Variants in ATXN2 observed in about 807,000 individuals in gnomAD.
ATXN2 encodes ataxin 2.
A neutral mutation model predicts 138.6 loss-of-function variants in ATXN2; 37 were observed. The ratio of observed to expected loss-of-function variants is 0.27; its 90% CI spans 0.21 to 0.35. The LOEUF (loss-of-function observed/expected upper bound fraction) is 0.35. ATXN2 is among the 10% of genes least tolerant of loss of function. The pLI is 1.00. For missense variants in ATXN2, 1,216 were observed against 1,480.3 expected (o/e 0.82, Z 2.93); for synonymous variants, 549 against 543.7 (o/e 1.01, Z -0.13).
intron 12 of ATXN2, 82 bp downstream of exon 12, chr12:111,510,303 T>C (rs1659245291): frequency 2.1e-6 from 3 of 1,432,296 alleles, no homozygotes; most frequent in East Asian, 4.6e-5. Context: ...AAAAATAACC[T>C]AGAATTTTTT....
At chr12:111,597,629 A>G (rs1885003246) in intron 1 of ATXN2, 1 of 429,292 alleles carries the variant, frequency 2.3e-6, no homozygotes, top group Non-Finnish European at 4.7e-6. Context: ...GCCACCCCCA[A>G]CAGGCCCTCC....
chr12:111,513,642 C>A, intron 10 of ATXN2, 103 bp from the exon 11 acceptor site: 2 of 928,842 alleles, frequency 2.2e-6, no homozygotes, highest in Non-Finnish European at 3.0e-6. Context: ...CACACTCACT[C>A]ACTCTACAGT....
chr12:111,485,455 C>A, intron 17 of ATXN2, 124 bp from the exon 18 acceptor site: 1 of 1,051,388 alleles, frequency 9.5e-7, no homozygotes, highest in East Asian at 2.4e-5. Flanking sequence ...CTCCATTAGT[C>A]ATTAAAAAAT....
chr12:111,544,069 CCT>C (rs1881679102), intron 5 of ATXN2, among the ~76,000 whole-genome samples: 1 of 151,544 alleles, frequency 6.6e-6, no homozygotes, highest in Admixed American at 6.6e-5. Context: ...AGAGCATGAC[CCT>C]GTTTCTTTAA....
At chr12:111,553,017 T>G in intron 3 of ATXN2, 40 bp from the exon 4 acceptor site, 39 of 1,242,934 alleles carry the variant, frequency 3.1e-5, no homozygotes, top group Non-Finnish European at 4.0e-5. Flanking sequence ...AACAGTATAC[T>G]ACCCGGTCAC....
chr12:111,567,649 A>C (rs980641761), intron 1 of ATXN2, among the ~76,000 whole-genome samples: 1 of 151,974 alleles, frequency 6.6e-6, no homozygotes, highest in African/African-American at 2.4e-5. Context: ...CCCCATCTCT[A>C]CTAAAAATAT....
In ATXN2 at chr12:111,552,162, T is replaced by A; in HGVS notation, c.571+118A>T. The A allele has an allele frequency of 9.0e-7, 1 of 1,105,716 alleles. No homozygotes were observed. The highest frequency in any genetic ancestry group is 1.2e-6 in the Non-Finnish European group (1 of 811,648). The allele number at this position is 1,105,716 out of a possible 1,614,324, so 68.5% of individuals were successfully genotyped here. On this transcript the variant is annotated intron_variant, in intron 5 of 24. Transcript: ENST00000673436. This position sits in a 1 kb window ranked among gnomAD's most constrained non-coding sequence, Gnocchi z 4.1. ...TCCCTAAGTGCTAAGATTACAGGAATGAGCCGCCATACCCAGCCCAGATAT... is the reference window on the plus strand; with the variant it reads ...TCCCTAAGTGCTAAGATTACAGGAAAGAGCCGCCATACCCAGCCCAGATAT...
intron 19 of ATXN2, 64 bp from the exon 20 acceptor site, chr12:111,470,304 G>A (rs1204037288): frequency 6.4e-7 from 1 of 1,558,440 alleles, no homozygotes; most frequent in Non-Finnish European, 8.7e-7. Context: ...GCAGACTTTA[G>A]TTAAGATTTT....
chr12:111,537,202 T>A (rs1386141391), intron 5 of ATXN2, among the ~76,000 whole-genome samples: 1 of 152,134 alleles, frequency 6.6e-6, no homozygotes, highest in Non-Finnish European at 1.5e-5. Flanking sequence ...CCTGTGTAAC[T>A]GTATAATGGA....
At position 111,597,991 on chromosome 12, in the gene ATXN2, G is replaced by A. The variant is rs529767305; in HGVS notation, c.251+793C>T. On this transcript the variant is annotated intron_variant, in intron 1 of 24. Coordinates refer to ENST00000673436, the MANE Select transcript of ATXN2 (RefSeq NM_001372574.1). ...TCGGCCACCACCCGCGCGCCGGAGA[G>A]GTCTGGCGGGGGAAGGAGGAAGGCC... 5.8e-6 allele frequency: 7 copies of A among 1,204,856 alleles called. No individual in the cohort carries two copies. The African/African-American group carries it at 6.3e-5, about 11-fold the overall frequency. The allele number at this position is 1,204,856 out of a possible 1,614,324, so 74.6% of individuals were successfully genotyped here.
Position 111,599,174 on chromosome 12 carries a change from G to C in ATXN2, c.-140C>G, listed in dbSNP as rs1192615592. 1.7e-6 allele frequency: 2 copies of C among 1,204,852 alleles called. No individual in the cohort carries two copies. Among genetic ancestry groups the C allele is most frequent in the Non-Finnish European group, 2.1e-6 (2 of 971,546 alleles). 74.6% of individuals were successfully genotyped at this position (1,204,852 alleles called of 1,614,324 possible). ...GGTTGGCGCGGCCGGAGGGGCGCCC[G>C]GGCTGGCGAGGGGGAGAAGGAGGAC... is the stretch of plus-strand genomic sequence containing the variant. On this transcript the variant is annotated 5_prime_UTR_variant, in exon 1 of 25. Transcript: ENST00000673436.
chr12:111,509,692 T>A (rs913797309), intron 13 of ATXN2, 73 bp from the exon 14 acceptor site: 2 of 987,356 alleles, frequency 2.0e-6, no homozygotes, highest in Non-Finnish European at 3.0e-6. Flanking sequence ...TAGTATGAGA[T>A]GATAGAAATT....
intron 5 of ATXN2, among the ~76,000 whole-genome samples, chr12:111,546,510 G>A (rs139812814): frequency 6.6e-6 from 1 of 152,248 alleles, no homozygotes; most frequent in Non-Finnish European, 1.5e-5. Context: ...CATCTAGGCT[G>A]AGAATACTGC....
At chr12:111,528,157 T>C (rs548193928) in intron 5 of ATXN2, among the ~76,000 whole-genome samples, 1 of 152,316 alleles carries the variant, frequency 6.6e-6, no homozygotes, top group East Asian at 1.9e-4. Context: ...AGCATTTATT[T>C]AGATAGAAGC....
intron 1 of ATXN2, among the ~76,000 whole-genome samples, chr12:111,585,369 C>T (rs141683900): frequency 4.0e-5 from 6 of 151,514 alleles, no homozygotes; most frequent in Admixed American, 2.6e-4. Flanking sequence ...AAAAATTATC[C>T]GGGTGTGGTG....
intron 6 of ATXN2, among the ~76,000 whole-genome samples, chr12:111,524,303 A>T (rs905797365): frequency 6.6e-6 from 1 of 152,228 alleles, no homozygotes. Context: ...TATGCCTTAA[A>T]CATCAAACAC....
At chr12:111,553,604 A>AAAATTTTTTTT (rs1882237738) in intron 3 of ATXN2, among the ~76,000 whole-genome samples, 3 of 85,004 alleles carry the variant, frequency 3.5e-5, no homozygotes, top group East Asian at 9.5e-4. Flanking sequence ...AAAAAAAAAA[A>AAAATTTTTTTT]TTTTTTTTTT....
chr12:111,469,011 A>C (rs1005153846), intron 20 of ATXN2: 1 of 152,150 alleles, frequency 6.6e-6, no homozygotes, highest in Non-Finnish European at 1.5e-5. Context: ...ATAAATTCTT[A>C]AATAACTCAA....
chr12:111,474,383 G>T (rs1876643160), intron 18 of ATXN2, among the ~76,000 whole-genome samples: 1 of 149,426 alleles, frequency 6.7e-6, no homozygotes, highest in African/African-American at 2.5e-5. Context: ...TAGAAAGATG[G>T]TGAGACTCTG....
Sources: allele counts gnomAD v4.1 joint callset (sites outside exome capture counted in the v4.1 genomes callset), GRCh38; gene constraint gnomAD v4.1.1; non-coding constraint Gnocchi (gnomAD v3.1); transcripts MANE v1.5; gene names NCBI Gene and HGNC (gene_info 2026-07-23, HGNC 2026-07-21).